Variants in GRTP1 observed in about 807,000 individuals in gnomAD.
GRTP1 encodes growth hormone-regulated TBC protein 1.
Under a neutral mutation model 38.1 loss-of-function variants are expected in GRTP1, and 56 were observed. The ratio of observed to expected loss-of-function variants is 1.47; its 90% CI spans 1.19 to 1.84. The LOEUF (loss-of-function observed/expected upper bound fraction) is 1.84, where lower values mean the gene tolerates loss of function less well. Among genes scored for constraint, GRTP1 ranks in the 40% most tolerant of loss-of-function variants. The pLI, the probability that GRTP1 is intolerant of heterozygous loss-of-function variation, is 0.00. For missense variants in GRTP1, 506 were observed against 453.9 expected (o/e 1.11, Z -1.04); for synonymous variants, 217 against 189.5 (o/e 1.14, Z -1.19).
intron 5 of GRTP1, among the ~76,000 whole-genome samples, chr13:113,333,117 G>T (rs373169726): frequency 6.6e-6 from 1 of 152,220 alleles, no homozygotes; most frequent in South Asian, 2.1e-4. Flanking sequence ...GAGGAGAGGG[G>T]CCCAGCCGGA....
intron 7 of GRTP1, chr13:113,324,949 C>T: frequency 1.8e-6 from 1 of 555,078 alleles, no homozygotes; most frequent in Non-Finnish European, 2.4e-6. Context: ...GCCTCAGCCT[C>T]CCGAGTAACT....
At chr13:113,329,992 C>T (rs919827820) in intron 5 of GRTP1, among the ~76,000 whole-genome samples, 5 of 152,044 alleles carry the variant, frequency 3.3e-5, no homozygotes, top group Non-Finnish European at 5.9e-5. Context: ...TGCATGGGAG[C>T]CCGGGTGCGT....
rs1034156237 is a variant in GRTP1, at chr13:113,348,009, C to T, written c.465+2840G>A. 4.0e-5 allele frequency among the ~76,000 whole-genome samples: 6 copies of T among 150,314 alleles called. No individual in the cohort carries two copies. The East Asian group carries it at 7.9e-4, about 20-fold the overall frequency. The stretch of plus-strand genomic sequence containing the variant: ...ACCTGGGAGGACCTGTGTGGCTGAG[C>T]GGACCTGGGAGGACCTGTCTGGCCG... On this transcript the variant is annotated intron_variant, in intron 4 of 7. Coordinates refer to ENST00000375431, the MANE Select transcript of GRTP1 (RefSeq NM_024719.4). This position sits in a 1 kb window ranked among gnomAD's most constrained non-coding sequence, Gnocchi z 4.8.
chr13:113,347,997 TGTGTGG>T, intron 4 of GRTP1, among the ~76,000 whole-genome samples: 7 of 151,808 alleles, frequency 4.6e-5, no homozygotes, highest in Admixed American at 3.9e-4. Flanking sequence ...TGGGAGGACC[TGTGTGG>T]CTGAGCGGAC....
chr13:113,328,817 T>G (rs1272483272), intron 5 of GRTP1, among the ~76,000 whole-genome samples: 1 of 152,226 alleles, frequency 6.6e-6, no homozygotes, highest in African/African-American at 2.4e-5. Context: ...CAGGGGCGTC[T>G]CCCTCTCCCT....
At chr13:113,352,274 A>ATATTTT (rs2043285973) in intron 3 of GRTP1, among the ~76,000 whole-genome samples, 1 of 34,328 alleles carries the variant, frequency 2.9e-5, no homozygotes, top group African/African-American at 1.6e-4. Context: ...TTATATTTTT[A>ATATTTT]TATATATTTA....
chr13:113,363,683 G>A (rs975961756), intron 2 of GRTP1, 79 bp downstream of exon 2: 14 of 1,428,626 alleles, frequency 9.8e-6, no homozygotes, highest in Non-Finnish European at 1.2e-5. Flanking sequence ...CCTCCGCTCC[G>A]GGAGCCCGGA....
At chr13:113,346,095 TCTGTGGCCGAGAACAGAC>T (rs1566429134) in intron 4 of GRTP1, among the ~76,000 whole-genome samples, 3 of 35,326 alleles carry the variant, frequency 8.5e-5, no homozygotes, top group Non-Finnish European at 1.7e-4. Context: ...TGGGAAGACA[TCTGTGGCCGAGAACAGAC>T]CCGGGAGGAC....
At chr13:113,326,133 C>G (rs1315939006) in intron 5 of GRTP1, 42 bp from the exon 6 acceptor site, 3 of 1,596,308 alleles carry the variant, frequency 1.9e-6, no homozygotes, top group Non-Finnish European at 2.5e-6. Context: ...ACACTCCCGT[C>G]ACCTCCACAA....
At chr13:113,359,272 TGTG>T (rs1246600023) in intron 2 of GRTP1, among the ~76,000 whole-genome samples, 1 of 152,210 alleles carries the variant, frequency 6.6e-6, no homozygotes, top group Non-Finnish European at 1.5e-5. Flanking sequence ...GAATCTTGAC[TGTG>T]GTGATGACTG....
chr13:113,341,980 C>A (rs1371497328), intron 5 of GRTP1, among the ~76,000 whole-genome samples: 22 of 151,962 alleles, frequency 1.4e-4, no homozygotes. Flanking sequence ...GAGTCTCGCT[C>A]CGTCTTCCCA....
intron 4 of GRTP1, among the ~76,000 whole-genome samples, chr13:113,346,013 C>T (rs368880757): frequency 1.1e-3 from 86 of 81,554 alleles, no homozygotes; most frequent in East Asian, 4.6e-3. Flanking sequence ...AGGACCTCTG[C>T]GGCTGAGCAG....
intron 5 of GRTP1, among the ~76,000 whole-genome samples, chr13:113,329,941 G>A (rs990826984): frequency 3.9e-5 from 6 of 152,266 alleles, no homozygotes; most frequent in Admixed American, 3.9e-4. Flanking sequence ...AGGTGGGCAG[G>A]GGATGTAGCT....
At chr13:113,357,215 T>A (rs191285388) in intron 2 of GRTP1, among the ~76,000 whole-genome samples, 1 of 151,434 alleles carries the variant, frequency 6.6e-6, no homozygotes, top group African/African-American at 2.4e-5. Flanking sequence ...GAGGCCGAGG[T>A]GGGCAGATCA....
In GRTP1 at chr13:113,325,791, C is replaced by A. The variant is rs368589900; in HGVS notation, c.791G>T (p.Arg264Leu). Residue 264 changes from arginine (R) to leucine (L), a missense_variant, in exon 7 of 8, where the codon CGG becomes CTG. Transcript: ENST00000375431. ...LFNEGSKIIFRVALTLIKQHQ... is the reference protein window; with the variant it reads ...LFNEGSKIIFLVALTLIKQHQ... ...CTGCTTAATTAAGGTCAGGGCCACC[C>A]GGAAGATAATCTTCGAGCCTTCGTT... The A allele has an allele frequency of 6.2e-7, 1 of 1,614,060 alleles. No homozygotes were observed. Among genetic ancestry groups the A allele is most frequent in the Non-Finnish European group, 8.5e-7 (1 of 1,180,024 alleles).
intron 3 of GRTP1, among the ~76,000 whole-genome samples, chr13:113,352,980 C>CCCCA (rs2043313727): frequency 6.9e-6 from 1 of 145,168 alleles, no homozygotes; most frequent in Non-Finnish European, 1.5e-5. Context: ...CCAGCAGAGT[C>CCCCA]CACTCTAGGT....
Position 113,352,376 on chromosome 13 carries a change from A to T in GRTP1, c.341-1403T>A, listed in dbSNP as rs5014270. The stretch of plus-strand genomic sequence containing the variant: ...ATATATATTTTATATATATATATAT[A>T]TTTATATATATATTTAACACAGGGT... On this transcript the variant is annotated intron_variant, in intron 3 of 7. Transcript: ENST00000375431. Among the ~76,000 whole-genome samples, 41 of 37,714 alleles carry T rather than the reference A, an allele frequency of 1.1e-3. No homozygotes were observed. In the East Asian group the frequency reaches 0.041, roughly 38 times the overall value. The allele number at this position is 37,714 out of a possible 152,430, so 24.7% of individuals were successfully genotyped here.
chr13:113,347,559 A>T lies in GRTP1; in HGVS notation c.466-2600T>A, dbSNP rs12876728. Among the ~76,000 whole-genome samples the T allele has an allele frequency of 6.2e-3, 232 of 37,228 alleles. 9 individuals are homozygous for T. The highest frequency in any genetic ancestry group is 9.1e-3 in the Non-Finnish European group (153 of 16,758). 24.4% of individuals were successfully genotyped at this position (37,228 alleles called of 152,430 possible). A position where few individuals can be genotyped will look rare whatever the true frequency, so the allele number is the denominator to read the frequency against. On this transcript the variant is annotated intron_variant, in intron 4 of 7. Coordinates refer to ENST00000375431, the MANE Select transcript of GRTP1 (RefSeq NM_024719.4). ...GCGGATCCGGGAGGACCTCTGTGGCAGAGAGCAGACCCAGGAGGACCTCTG... is the reference window on the plus strand; with the variant it reads ...GCGGATCCGGGAGGACCTCTGTGGCTGAGAGCAGACCCAGGAGGACCTCTG...
In GRTP1 at chr13:113,344,812, C is replaced by T. The variant is rs781687845; in HGVS notation, c.562+51G>A. ...TGATTTCTCAGCGGAATCATTTTGG[C>T]AGCACCAGAAACAGGACAGTTCGGG... On this transcript the variant is annotated intron_variant, in intron 5 of 7. Transcript: ENST00000375431. 18 of 1,506,500 alleles carry T rather than the reference C, an allele frequency of 1.2e-5. No individual in the cohort carries two copies. The South Asian group carries it at 1.8e-4, about 15-fold the overall frequency. The allele number at this position is 1,506,500 out of a possible 1,614,324, so 93.3% of individuals were successfully genotyped here. A position where few individuals can be genotyped will look rare whatever the true frequency, so the allele number is the denominator to read the frequency against.
Sources: gnomAD v4.1 joint callset for allele counts (sites outside exome capture counted in the v4.1 genomes callset) on GRCh38, gnomAD v4.1.1 for gene constraint, Gnocchi (gnomAD v3.1) non-coding constraint, MANE v1.5 for transcripts, NCBI Gene and HGNC (gene_info 2026-07-23, HGNC 2026-07-21) for gene names.